The following TRIM40 variants were observed in gnomAD, a reference collection of about 807,000 sequenced individuals.
The protein encoded by TRIM40 is E3 ubiquitin ligase TRIM40.
A neutral mutation model predicts 26.1 loss-of-function variants in TRIM40; 27 were observed. The ratio of observed to expected loss-of-function variants is 1.04; its 90% CI spans 0.76 to 1.43. The LOEUF is 1.43. Among genes scored for constraint, TRIM40 ranks in the 40% most tolerant of loss-of-function variants. TRIM40 has a pLI of 0.00. For synonymous variants in TRIM40, 114 were observed against 120.0 expected (o/e 0.95, Z 0.33); for missense variants, 289 against 307.9 (o/e 0.94, Z 0.46).
intron 3 of TRIM40, 100 bp from the exon 4 acceptor site, chr6:30,146,885 A>G: frequency 1.7e-6 from 2 of 1,202,954 alleles, no homozygotes; most frequent in Non-Finnish European, 2.4e-6. Context: ...TGAGGGCAAG[A>G]GGACTGAGGA....
intron 2 of TRIM40, among the ~76,000 whole-genome samples, chr6:30,145,244 A>C (rs1771577172): frequency 6.6e-6 from 1 of 152,168 alleles, no homozygotes; most frequent in South Asian, 2.1e-4. Context: ...TTAGTGAAAC[A>C]CACACTTTTC....
At chr6:30,144,212 G>A (rs1771516712) in intron 2 of TRIM40, among the ~76,000 whole-genome samples, 1 of 152,100 alleles carries the variant, frequency 6.6e-6, no homozygotes, top group Non-Finnish European at 1.5e-5. Flanking sequence ...TTGCTGAGAA[G>A]CCATTTTGAA....
chr6:30,137,371 G>T lies in TRIM40; in HGVS notation c.335G>T (p.Ser112Ile). The stretch of plus-strand genomic sequence containing the variant: ...GAACTGACCATTGAAAATGCCCTCA[G>T]CCACTACAAGGTAAGCCTGGGTCAC... ...HHELTIENAL[S>I]HYKERLNRRS... The change falls in exon 2 of 6, where the codon AGC becomes ATC. Residue 112 changes from serine (S) to isoleucine (I), a missense_variant. Coordinates refer to ENST00000396581, the MANE Select transcript of TRIM40 (RefSeq NM_001286633.2). 1 of 1,612,112 alleles carries T rather than the reference G, an allele frequency of 6.2e-7. No homozygotes were observed. Among genetic ancestry groups the T allele is most frequent in the Non-Finnish European group, 8.5e-7 (1 of 1,179,462 alleles).
rs1771032171 is a variant in TRIM40, at chr6:30,136,909, G to C, written c.-128G>C. On this transcript the variant is annotated 5_prime_UTR_variant, in exon 2 of 6. Coordinates refer to ENST00000396581, the MANE Select transcript of TRIM40 (RefSeq NM_001286633.2). ...CTTGGAGGCTGTGTCCTGTCCCCAG[G>C]CTGCTCCAGGGCTGCCTCCTTCCGA... The C allele has an allele frequency of 1.1e-6, 1 of 885,588 alleles. No homozygotes were observed. Among genetic ancestry groups the C allele is most frequent in the Admixed American group, 2.8e-5 (1 of 35,760 alleles). 54.9% of individuals were successfully genotyped at this position (885,588 alleles called of 1,614,324 possible).
intron 2 of TRIM40, among the ~76,000 whole-genome samples, chr6:30,141,461 A>C (rs1405124898): frequency 1.3e-5 from 2 of 152,244 alleles, no homozygotes; most frequent in African/African-American, 4.8e-5. Context: ...AGGAGGACCC[A>C]GCAAAGGAGA....
At chr6:30,144,388 C>T (rs1771525892) in intron 2 of TRIM40, among the ~76,000 whole-genome samples, 1 of 152,012 alleles carries the variant, frequency 6.6e-6, no homozygotes, top group African/African-American at 2.4e-5. Context: ...TTTTGAGCTG[C>T]CAACAGGGCA....
At position 30,147,551 on chromosome 6, in the gene TRIM40, T is replaced by C. The variant is rs1324242775; in HGVS notation, c.689+9T>C. 2 of 1,614,218 alleles carry C rather than the reference T, an allele frequency of 1.2e-6. No individual in the cohort carries two copies. The highest frequency in any genetic ancestry group is 1.7e-6 in the Non-Finnish European group (2 of 1,180,036). On this transcript the variant is annotated intron_variant, in intron 5 of 5. Coordinates refer to ENST00000396581, the MANE Select transcript of TRIM40 (RefSeq NM_001286633.2). ...GGTGACTTACTGAACAGGTACGAGC[T>C]GTCCCTTCTTCTTTCCCACATGTGC...
chr6:30,139,995 G>A (rs1433454917), intron 2 of TRIM40, among the ~76,000 whole-genome samples: 2 of 152,192 alleles, frequency 1.3e-5, no homozygotes, highest in African/African-American at 2.4e-5. Flanking sequence ...GGTCTTTAGA[G>A]AAATGCAAAT....
chr6:30,138,088 CA>C (rs2127420038), intron 2 of TRIM40, among the ~76,000 whole-genome samples: 1 of 152,174 alleles, frequency 6.6e-6, no homozygotes, highest in African/African-American at 2.4e-5. Context: ...CACACACACA[CA>C]CCCTCAAAGG....
At chr6:30,145,339 C>T (rs926331126) in intron 2 of TRIM40, among the ~76,000 whole-genome samples, 7 of 152,272 alleles carry the variant, frequency 4.6e-5, no homozygotes, top group South Asian at 2.1e-4. Flanking sequence ...AACTGCCCCC[C>T]GAACCATGGG....
chr6:30,142,483 A>G (rs1324225905), intron 2 of TRIM40, among the ~76,000 whole-genome samples: 1 of 152,230 alleles, frequency 6.6e-6, no homozygotes, highest in Non-Finnish European at 1.5e-5. Context: ...CTTTTGGATA[A>G]TGAGCTCCAT....
intron 2 of TRIM40, among the ~76,000 whole-genome samples, chr6:30,142,084 A>C (rs9261491): frequency 0.22 from 33,421 of 151,932 alleles, 4,015 homozygotes; most frequent in Admixed American, 0.25. Context: ...TGACAGCGTA[A>C]TTTTGAAATT....
chr6:30,146,942 G>C, intron 3 of TRIM40, 43 bp from the exon 4 acceptor site: 2 of 1,541,998 alleles, frequency 1.3e-6, no homozygotes, highest in Non-Finnish European at 1.8e-6. Context: ...GGGCCAGGAG[G>C]GAGCCACCTG....
intron 3 of TRIM40, 22 bp downstream of exon 3, chr6:30,146,111 G>T: frequency 1.3e-6 from 2 of 1,594,006 alleles, no homozygotes; most frequent in Non-Finnish European, 1.7e-6. Flanking sequence ...GGGTTCCTGG[G>T]AAGGACTCCC....
At chr6:30,145,093 T>C (rs1402232636) in intron 2 of TRIM40, among the ~76,000 whole-genome samples, 1 of 152,046 alleles carries the variant, frequency 6.6e-6, no homozygotes, top group Non-Finnish European at 1.5e-5. Flanking sequence ...ACACACACAG[T>C]CCTTTGACCT....
intron 2 of TRIM40, among the ~76,000 whole-genome samples, chr6:30,141,931 G>C (rs1042707658): frequency 6.6e-6 from 1 of 152,172 alleles, no homozygotes; most frequent in Non-Finnish European, 1.5e-5. Flanking sequence ...CCTGAGGACA[G>C]ACAGCAAACA....
chr6:30,136,347 T>A (rs1333082770), intron 1 of TRIM40, 158 bp downstream of exon 1: 2 of 152,384 alleles, frequency 1.3e-5, no homozygotes, highest in Non-Finnish European at 2.9e-5. Context: ...AGGAACAAAG[T>A]GGCTTCAAAC....
At chr6:30,139,258 A>C (rs540311772) in intron 2 of TRIM40, among the ~76,000 whole-genome samples, 7 of 152,164 alleles carry the variant, frequency 4.6e-5, no homozygotes, top group Admixed American at 1.3e-4. Flanking sequence ...CAATGAAGAC[A>C]GATGCCATTC....
intron 2 of TRIM40, 106 bp from the exon 3 acceptor site, chr6:30,145,887 CA>C (rs1771613547): frequency 1.0e-5 from 8 of 777,310 alleles, no homozygotes; most frequent in Non-Finnish European, 1.8e-5. Flanking sequence ...CAGAATTTTA[CA>C]TTAGTTGCAT....
Sources: allele counts gnomAD v4.1 joint callset (sites outside exome capture counted in the v4.1 genomes callset), GRCh38; gene constraint gnomAD v4.1.1; transcripts MANE v1.5; gene names NCBI Gene and HGNC (gene_info 2026-07-23, HGNC 2026-07-21).